CLVS1: variants seen among roughly 807,000 people sequenced by gnomAD.
The protein encoded by CLVS1 is clavesin 1.
In CLVS1, 10 loss-of-function variants were observed where a neutral mutation model predicts 33.1. That is an observed-to-expected ratio of 0.30 (90% CI 0.19 to 0.51). CLVS1 has a LOEUF of 0.51. CLVS1 is among the 20% of genes least tolerant of loss of function. CLVS1 has a pLI of 0.97. For missense variants in CLVS1, 343 were observed against 433.4 expected (o/e 0.79, Z 1.85); for synonymous variants, 163 against 166.1 (o/e 0.98, Z 0.14).
At chr8:61,069,304 C>T (rs1274828063) in intron 1 of CLVS1, among the ~76,000 whole-genome samples, 1 of 152,188 alleles carries the variant, frequency 6.6e-6, no homozygotes, top group Non-Finnish European at 1.5e-5. Flanking sequence ...AGGCCATTCC[C>T]AGTGCACCAG....
chr8:61,314,199 C>T (rs1449683308), intron 2 of CLVS1, among the ~76,000 whole-genome samples: 1 of 152,166 alleles, frequency 6.6e-6, no homozygotes, highest in Non-Finnish European at 1.5e-5. Context: ...TCCCCTTTCC[C>T]TGACAGGGTC....
chr8:61,285,765 T>C (rs139504770), upstream of CLVS1, among the ~76,000 whole-genome samples: 524 of 152,268 alleles, frequency 3.4e-3, no homozygotes, highest in Admixed American at 7.1e-3. Flanking sequence ...CCAGGAATAA[T>C]GGGCTTAATA....
chr8:61,230,548 A>G (rs771179572), intron 2 of CLVS1, among the ~76,000 whole-genome samples: 1 of 152,244 alleles, frequency 6.6e-6, no homozygotes, highest in Non-Finnish European at 1.5e-5. Context: ...AGCTATAATT[A>G]TTCAAGTCTA....
chr8:61,096,595 A>G (rs945494642), intron 1 of CLVS1, among the ~76,000 whole-genome samples: 6 of 152,224 alleles, frequency 3.9e-5, no homozygotes, highest in Admixed American at 2.0e-4. Flanking sequence ...GCGAGACTCA[A>G]TGTCTGAACT....
intron 2 of CLVS1, among the ~76,000 whole-genome samples, chr8:61,235,092 A>G (rs1047285821): frequency 6.6e-6 from 1 of 152,348 alleles, no homozygotes; most frequent in Admixed American, 6.5e-5. Context: ...GGAACTGGGC[A>G]TAGCTGAAGG....
chr8:61,183,077 A>G (rs964263337), intron 2 of CLVS1, among the ~76,000 whole-genome samples: 9 of 151,682 alleles, frequency 5.9e-5, no homozygotes, highest in African/African-American at 1.5e-4. Context: ...GTTCTCACTC[A>G]TAAGTGGGAG....
At chr8:61,004,609 G>A in the CLVS1 span, among the ~76,000 whole-genome samples, 7 of 152,226 alleles carry the variant, frequency 4.6e-5, no homozygotes, top group Non-Finnish European at 7.3e-5. Flanking sequence ...AGGCTCTGCA[G>A]AAGGGCAGGC....
intron 3 of CLVS1, among the ~76,000 whole-genome samples, chr8:61,387,466 C>CTTTTTTTTTTT (rs372983692): frequency 1.8e-5 from 2 of 109,320 alleles, no homozygotes; most frequent in Non-Finnish European, 3.6e-5. Context: ...TGTACAGTTC[C>CTTTTTTTTTTT]TTTTTTTTTT....
rs573159220 is a variant in CLVS1 at position 61,430,349 on chromosome 8, A to G, written c.631-23792A>G. Among the ~76,000 whole-genome samples, 5 of 152,318 alleles carry G rather than the reference A, an allele frequency of 3.3e-5. No homozygotes were observed. In the South Asian group the frequency reaches 1.0e-3, roughly 32 times the overall value. On this transcript the variant is annotated intron_variant, in intron 3 of 5. Transcript: ENST00000325897. The stretch of plus-strand genomic sequence containing the variant: ...AGCATTTTCTTTACATAGTGGAGTA[A>G]GTGGTTACAAAGCACTCTGGGCCCA...
intron 2 of CLVS1, among the ~76,000 whole-genome samples, chr8:61,199,929 T>G (rs1160438252): frequency 6.6e-6 from 1 of 152,154 alleles, no homozygotes. Flanking sequence ...GGGACCTTGT[T>G]GAGAAAGTGA....
At chr8:61,318,506 C>T (rs934998746) in intron 2 of CLVS1, among the ~76,000 whole-genome samples, 1 of 152,164 alleles carries the variant, frequency 6.6e-6, no homozygotes, top group African/African-American at 2.4e-5. Context: ...AATCTCAGGA[C>T]TCATGCATTT....
intron 2 of CLVS1, among the ~76,000 whole-genome samples, chr8:61,255,782 T>C (rs1427101168): frequency 6.6e-6 from 1 of 152,156 alleles, no homozygotes; most frequent in Non-Finnish European, 1.5e-5. Context: ...ACTCTGAAAC[T>C]TGAACCTACT....
upstream of CLVS1, among the ~76,000 whole-genome samples, chr8:61,053,532 C>T (rs1324022321): frequency 6.6e-6 from 1 of 152,204 alleles, no homozygotes; most frequent in Non-Finnish European, 1.5e-5. Flanking sequence ...GCCCCATTTT[C>T]TGCATGGAAA....
At chr8:61,164,714 C>G (rs2116468) in intron 2 of CLVS1, among the ~76,000 whole-genome samples, 22,080 of 152,180 alleles carry the variant, frequency 0.15, 1,974 homozygotes, top group Admixed American at 0.24. Context: ...CCCCCACACA[C>G]GAGGTTTTCT....
At chr8:61,477,760 C>T (rs1302178517) in intron 5 of CLVS1, among the ~76,000 whole-genome samples, 1 of 152,124 alleles carries the variant, frequency 6.6e-6, no homozygotes, top group African/African-American at 2.4e-5. Context: ...CTCCTGGATT[C>T]ATTGATTTTT....
chr8:61,257,600 C>T (rs549585376), intron 2 of CLVS1, among the ~76,000 whole-genome samples: 7 of 152,166 alleles, frequency 4.6e-5, no homozygotes, highest in Admixed American at 1.3e-4. Flanking sequence ...TCTGTAACCA[C>T]GTTACAGTGG....
rs967257201 is a variant in CLVS1 at position 61,376,752 on chromosome 8, C to A, written c.603C>A (p.Ile201=). The A allele has an allele frequency of 2.2e-5, 35 of 1,613,952 alleles. No homozygotes were observed. The highest frequency in any genetic ancestry group is 2.8e-5 in the Non-Finnish European group (33 of 1,179,956). Residue 201 remains isoleucine (I), a synonymous_variant, in exon 3 of 6, where the codon ATC becomes ATA. Coordinates refer to ENST00000325897, the MANE Select transcript of CLVS1 (RefSeq NM_173519.3). ...FKQASKLTPS[I]LKLAIEGLQD... The stretch of plus-strand genomic sequence containing the variant: ...AAGCCTCCAAACTGACACCTTCAAT[C>A]CTTAAACTGGCCATTGAAGGGTTGC...
chr8:61,314,544 A>T (rs1810947561), intron 2 of CLVS1, among the ~76,000 whole-genome samples: 1 of 152,242 alleles, frequency 6.6e-6, no homozygotes, highest in South Asian at 2.1e-4. Context: ...AAATAAAATA[A>T]AAATGAGGAA....
At chr8:61,118,114 T>C (rs1168376741) in intron 1 of CLVS1, among the ~76,000 whole-genome samples, 2 of 151,968 alleles carry the variant, frequency 1.3e-5, no homozygotes, top group African/African-American at 4.8e-5. Flanking sequence ...AGTGTATGTG[T>C]CGAGGAATTT....
Sources: gnomAD v4.1 joint callset for allele counts (sites outside exome capture counted in the v4.1 genomes callset) on GRCh38, gnomAD v4.1.1 for gene constraint, MANE v1.5 for transcripts, NCBI Gene and HGNC (gene_info 2026-07-23, HGNC 2026-07-21) for gene names.